The following PKD1L3 variants were observed in gnomAD, a reference collection of about 807,000 sequenced individuals.
PKD1L3 encodes polycystin 1 like 3, transient receptor potential channel interacting.
Under a neutral mutation model 184.1 loss-of-function variants are expected in PKD1L3, and 239 were observed. The observed-to-expected ratio is 1.30, with a 90% confidence interval of 1.17 to 1.45. The LOEUF is 1.45. Among genes scored for constraint, PKD1L3 ranks in the 40% most tolerant of loss-of-function variants. The pLI is 0.00. For missense variants in PKD1L3, 2,660 were observed against 2,067.2 expected (o/e 1.29, Z -5.56); for synonymous variants, 996 against 778.8 (o/e 1.28, Z -4.64).
chr16:71,984,145 T>C lies in PKD1L3; in HGVS notation c.857A>G (p.Asn286Ser), dbSNP rs1567545422. Reference sequence around the variant, plus strand: ...CAAACCATGAACTGCTCTGCTGAAGTTCCCTGCTATCTCATCTATGACCTA... The same window carrying C: ...CAAACCATGAACTGCTCTGCTGAAGCTCCCTGCTATCTCATCTATGACCTA... The part of the protein sequence containing the change: ...SGQVIDEIAG[N>S]FSRAVHGLQA... Residue 286 changes from asparagine (N) to serine (S), a missense_variant, in exon 6 of 30, where the codon AAC (asparagine) becomes AGC (serine). Coordinates refer to ENST00000620267, the MANE Select transcript of PKD1L3 (RefSeq NM_181536.2). 6.4e-7 allele frequency: 1 copy of C among 1,551,604 alleles called. No homozygotes were observed. The highest frequency in any genetic ancestry group is 1.4e-5 in the African/African-American group (1 of 73,142).
intron 28 of PKD1L3, among the ~76,000 whole-genome samples, chr16:71,931,714 C>T (rs1412537043): frequency 2.0e-5 from 3 of 152,160 alleles, no homozygotes; most frequent in Admixed American, 2.0e-4. Context: ...TCAGCCCCAC[C>T]TTGGCCTTCT....
rs532313542 is a variant in PKD1L3 at position 71,970,125 on chromosome 16, G to A, written c.1954-20C>T. On this transcript the variant is annotated intron_variant, in intron 12 of 29. Transcript: ENST00000620267. ...CCCAACCTGGAATTAGAATCAAGAC[G>A]TTGATTCTAGTCAGACAGAGTGCTA... is the stretch of plus-strand genomic sequence containing the variant. 10 of 1,517,170 alleles carry A rather than the reference G, an allele frequency of 6.6e-6. No homozygotes were observed. Among genetic ancestry groups the A allele is most frequent in the Admixed American group, 3.9e-5 (2 of 50,902 alleles). The allele number at this position is 1,517,170 out of a possible 1,614,324, so 94.0% of individuals were successfully genotyped here. A position where few individuals can be genotyped will look rare whatever the true frequency, so the allele number is the denominator to read the frequency against.
intron 28 of PKD1L3, among the ~76,000 whole-genome samples, chr16:71,932,227 T>G (rs1216693204): frequency 6.6e-6 from 1 of 152,240 alleles, no homozygotes; most frequent in Non-Finnish European, 1.5e-5. Flanking sequence ...GATCAAAATC[T>G]TGCCAGTTTC....
At chr16:71,989,405 G>A (rs1017031237) in intron 4 of PKD1L3, among the ~76,000 whole-genome samples, 3 of 152,174 alleles carry the variant, frequency 2.0e-5, no homozygotes, top group East Asian at 1.9e-4. Context: ...CGCCCGCCTC[G>A]GCCTCCCAAA....
chr16:71,963,501 G>T, intron 15 of PKD1L3, 150 bp from the exon 16 acceptor site: 1 of 856,776 alleles, frequency 1.2e-6, no homozygotes, highest in Non-Finnish European at 1.7e-6. Context: ...GAAAGTTGAG[G>T]CCAGACATGG....
chr16:71,969,839 A>G, intron 13 of PKD1L3, 36 bp downstream of exon 13: 3 of 1,514,158 alleles, frequency 2.0e-6, no homozygotes, highest in African/African-American at 1.4e-5. Context: ...TACTCAAAAC[A>G]TCATGGCAAA....
rs1597360922 is a variant in PKD1L3, at chr16:71,981,581, G to T, written c.1143+478C>A. Among the ~76,000 whole-genome samples, 5 of 124,160 alleles carry T rather than the reference G, an allele frequency of 4.0e-5. 1 individual carries two copies. Among genetic ancestry groups the T allele is most frequent in the African/African-American group, 3.1e-5 (1 of 32,244 alleles). 81.5% of individuals were successfully genotyped at this position (124,160 alleles called of 152,430 possible). A position where few individuals can be genotyped will look rare whatever the true frequency, so the allele number is the denominator to read the frequency against. ...TTTTTTTATGGAATCTCGCTCTGTT[G>T]TCTGGGCTGTGTGCAGTGGCATGAT... On this transcript the variant is annotated intron_variant, in intron 7 of 29. Coordinates refer to ENST00000620267, the MANE Select transcript of PKD1L3 (RefSeq NM_181536.2).
At chr16:71,981,878 C>T (rs938884822) in intron 7 of PKD1L3, among the ~76,000 whole-genome samples, 181 bp downstream of exon 7, 21 of 151,996 alleles carry the variant, frequency 1.4e-4, no homozygotes, top group Admixed American at 3.3e-4. Context: ...ACTAGGGAGT[C>T]TTGGCTCACT....
chr16:71,931,779 A>T (rs1023852684), intron 28 of PKD1L3, among the ~76,000 whole-genome samples: 1 of 152,184 alleles, frequency 6.6e-6, no homozygotes, highest in Non-Finnish European at 1.5e-5. Flanking sequence ...GTCCCTTTTT[A>T]AAAATGGCAC....
rs1172289382 is a variant in PKD1L3, at chr16:71,935,396, AT to A, written c.4574del (p.His1525LeufsTer22). ...CGCGGTATCGTGCCATGTTTTTCTT[AT>A]GTAGAGAAATACTCTTCATGTCAAG... ...LGLDMKSISL[H>X]KKNMARYRDD... On this transcript the variant is annotated frameshift_variant, in exon 26 of 30. Coordinates refer to ENST00000620267, the MANE Select transcript of PKD1L3 (RefSeq NM_181536.2). LOFTEE classifies it high-confidence loss of function. The A allele has an allele frequency of 6.4e-7, 1 of 1,551,780 alleles. No individual in the cohort carries two copies. Among genetic ancestry groups the A allele is most frequent in the East Asian group, 2.4e-5 (1 of 40,928 alleles).
intron 22 of PKD1L3, among the ~76,000 whole-genome samples, chr16:71,945,934 G>A (rs1344644824): frequency 6.6e-6 from 1 of 152,146 alleles, no homozygotes; most frequent in Non-Finnish European, 1.5e-5. Context: ...AATGCACAGA[G>A]AAACAAAATA....
chr16:71,942,673 A>G lies in PKD1L3; in HGVS notation c.4211T>C (p.Leu1404Pro), dbSNP rs2038401427. Residue 1404 changes from leucine to proline, a missense_variant, in exon 24 of 30, where the codon CTA (leucine) becomes CCA (proline). Coordinates refer to ENST00000620267, the MANE Select transcript of PKD1L3 (RefSeq NM_181536.2). ...RPKSLFPGLHLRRFSYICSPR... is the reference protein window; with the variant it reads ...RPKSLFPGLHPRRFSYICSPR... ...TGAACAGATGTAACTGAACCTCCTT[A>G]GATGAAGTCCAGGGAATAGGCTCTT... The G allele has an allele frequency of 6.4e-7, 1 of 1,551,586 alleles. No homozygotes were observed. The highest frequency in any genetic ancestry group is 8.7e-7 in the Non-Finnish European group (1 of 1,147,000).
At chr16:71,952,274 G>T (rs1047892636) in intron 18 of PKD1L3, among the ~76,000 whole-genome samples, 2 of 138,404 alleles carry the variant, frequency 1.4e-5, no homozygotes, top group African/African-American at 5.4e-5. Flanking sequence ...GTGCAGGGGC[G>T]CAATCTTGGC....
intron 4 of PKD1L3, among the ~76,000 whole-genome samples, chr16:71,987,222 TGAG>T (rs762245778): frequency 4.0e-4 from 58 of 146,508 alleles, no homozygotes; most frequent in Admixed American, 2.2e-3. Flanking sequence ...TGCACCCGGC[TGAG>T]GAGAGGATTT....
At chr16:71,944,550 G>A (rs1338793908) in intron 22 of PKD1L3, among the ~76,000 whole-genome samples, 1 of 152,112 alleles carries the variant, frequency 6.6e-6, no homozygotes, top group South Asian at 2.1e-4. Flanking sequence ...AGGCATAGTG[G>A]CTCATGCCTG....
At chr16:71,959,383 C>A (rs1187603052) in intron 16 of PKD1L3, among the ~76,000 whole-genome samples, 1 of 152,070 alleles carries the variant, frequency 6.6e-6, no homozygotes, top group African/African-American at 2.4e-5. Flanking sequence ...GTACTCCAGC[C>A]TGGGCAACAA....
At position 71,977,363 on chromosome 16, in the gene PKD1L3, G is replaced by T; in HGVS notation, c.1632C>A (p.Ser544=). 1.3e-6 allele frequency: 2 copies of T among 1,550,016 alleles called. No homozygotes were observed. The highest frequency in any genetic ancestry group is 1.2e-5 in the South Asian group (1 of 84,004). ...TGTCAGGATCTATGCTCACTATCAAGGATTTCTCCAAGGAAGTGACGTTCA... is the reference window on the plus strand; with the variant it reads ...TGTCAGGATCTATGCTCACTATCAATGATTTCTCCAAGGAAGTGACGTTCA... ...ITVNVTSLEK[S]LIVSIDPDSP... Residue 544 remains serine, a synonymous_variant, in exon 11 of 30, where the codon TCC becomes TCA. Transcript: ENST00000620267.
rs754356262 is a variant in PKD1L3, at chr16:71,929,693, CAAAAAG to C, written c.5059-21_5059-16del. The C allele has an allele frequency of 6.6e-7, 1 of 1,512,760 alleles. No individual in the cohort carries two copies. The highest frequency in any genetic ancestry group is 1.3e-5 in the South Asian group (1 of 77,560). 93.7% of individuals were successfully genotyped at this position (1,512,760 alleles called of 1,614,324 possible). ...GCAGCTTCTTTCTGAGTATTGAAGA[CAAAAAG>C]AGAAAAGTGAGAAAATTGAAATTAC... On this transcript the variant is annotated splice_polypyrimidine_tract_variant and intron_variant, in intron 29 of 29. Coordinates refer to ENST00000620267, the MANE Select transcript of PKD1L3 (RefSeq NM_181536.2).
chr16:71,939,899 A>C (rs1205077755), intron 24 of PKD1L3, among the ~76,000 whole-genome samples: 3 of 152,188 alleles, frequency 2.0e-5, no homozygotes, highest in Non-Finnish European at 4.4e-5. Flanking sequence ...GAAGAAAAGG[A>C]GGGCAGATGA....
Sources: allele counts gnomAD v4.1 joint callset (sites outside exome capture counted in the v4.1 genomes callset), GRCh38; gene constraint gnomAD v4.1.1; transcripts MANE v1.5; gene names NCBI Gene and HGNC (gene_info 2026-07-23, HGNC 2026-07-21).